DOK6: variants seen among roughly 807,000 people sequenced by gnomAD.
DOK6 encodes downstream of tyrosine kinase 6.
Under a neutral mutation model 44.0 loss-of-function variants are expected in DOK6, and 22 were observed. The ratio of observed to expected loss-of-function variants is 0.50; its 90% CI spans 0.36 to 0.71. DOK6 has a LOEUF of 0.71. DOK6 is among the 30% of genes least tolerant of loss of function. DOK6 has a pLI of 0.00. For missense variants in DOK6, 340 were observed against 416.4 expected (o/e 0.82, Z 1.60); for synonymous variants, 166 against 145.5 (o/e 1.14, Z -1.01).
At chr18:69,645,354 G>C (rs932341627) in intron 3 of DOK6, among the ~76,000 whole-genome samples, 1 of 152,246 alleles carries the variant, frequency 6.6e-6, no homozygotes, top group Middle Eastern at 3.4e-3. Flanking sequence ...TATATAAATA[G>C]AATCATGTGT....
intron 1 of DOK6, among the ~76,000 whole-genome samples, chr18:69,522,648 G>A (rs926958866): frequency 2.6e-5 from 4 of 152,000 alleles, no homozygotes; most frequent in South Asian, 2.1e-4. Context: ...GAGAAATATC[G>A]TTTTAAACCA....
At chr18:69,796,094 A>G (rs1980736985) in intron 7 of DOK6, among the ~76,000 whole-genome samples, 1 of 152,200 alleles carries the variant, frequency 6.6e-6, no homozygotes, top group Admixed American at 6.6e-5. Context: ...GGCTGTGGCC[A>G]GAGTCCCAAT....
chr18:69,702,734 T>C (rs1986549866), intron 5 of DOK6, among the ~76,000 whole-genome samples: 1 of 152,198 alleles, frequency 6.6e-6, no homozygotes, highest in Non-Finnish European at 1.5e-5. Context: ...TCACAAATCA[T>C]GGGAGGAGAT....
At chr18:69,497,442 G>A (rs373437517) in intron 1 of DOK6, among the ~76,000 whole-genome samples, 11 of 152,252 alleles carry the variant, frequency 7.2e-5, no homozygotes, top group African/African-American at 2.6e-4. Flanking sequence ...TCCTTGAAAA[G>A]GGAGAATCGT....
intron 1 of DOK6, among the ~76,000 whole-genome samples, chr18:69,484,511 A>G (rs963873724): frequency 6.6e-6 from 1 of 152,178 alleles, no homozygotes; most frequent in African/African-American, 2.4e-5. Flanking sequence ...GGCAAAATCT[A>G]GAAGGGTTTT....
chr18:69,832,089 G>A (rs1374384146), intron 7 of DOK6, among the ~76,000 whole-genome samples: 1 of 152,120 alleles, frequency 6.6e-6, no homozygotes, highest in African/African-American at 2.4e-5. Flanking sequence ...TGGTAAAAGT[G>A]GGCATTCTTG....
intron 7 of DOK6, among the ~76,000 whole-genome samples, chr18:69,793,659 T>C (rs1980662397): frequency 6.6e-6 from 1 of 152,158 alleles, no homozygotes; most frequent in African/African-American, 2.4e-5. Context: ...AAACATTGAA[T>C]TAAATCATAT....
At chr18:69,612,893 G>T (rs7243834) in intron 3 of DOK6, among the ~76,000 whole-genome samples, 126,526 of 149,786 alleles carry the variant, frequency 0.84, 53,792 homozygotes, top group Non-Finnish European at 0.93. Flanking sequence ...CTTTTTTTTT[G>T]CCTTTTGAGA....
intron 1 of DOK6, among the ~76,000 whole-genome samples, chr18:69,517,855 TC>T (rs1429115981): frequency 6.6e-6 from 1 of 152,120 alleles, no homozygotes; most frequent in Non-Finnish European, 1.5e-5. Context: ...CTGTCCTCTG[TC>T]CCAATTTAAT....
rs187370768 is a variant in DOK6 at position 69,419,168 on chromosome 18, A to G, written c.66+17858A>G. ...TCTAGAGCCATCTTGACTAAATTTT[A>G]GAAGACTTCATTACTTAGAAGATAA... On this transcript the variant is annotated intron_variant, in intron 1 of 7. Transcript: ENST00000382713. Among the ~76,000 whole-genome samples, 155 of 152,292 alleles carry G rather than the reference A, an allele frequency of 1.0e-3. No individual in the cohort carries two copies. The Middle Eastern group carries it at 0.01, about 10-fold the overall frequency.
intron 1 of DOK6, among the ~76,000 whole-genome samples, chr18:69,513,122 C>T (rs1981420926): frequency 6.7e-6 from 1 of 148,408 alleles, no homozygotes; most frequent in Non-Finnish European, 1.5e-5. Context: ...AAAGCTCGTT[C>T]ACTAAATGTA....
chr18:69,597,507 A>G (rs1451959995), intron 2 of DOK6, among the ~76,000 whole-genome samples: 3 of 143,950 alleles, frequency 2.1e-5, no homozygotes, highest in Non-Finnish European at 4.6e-5. Context: ...TAACACATGT[A>G]TTTTCTCCAT....
intron 7 of DOK6, among the ~76,000 whole-genome samples, chr18:69,834,927 G>A (rs1259566116): frequency 6.6e-6 from 1 of 152,162 alleles, no homozygotes; most frequent in Non-Finnish European, 1.5e-5. Flanking sequence ...CAATCATGGC[G>A]AAAGGGGAAG....
chr18:69,828,874 ACAT>A (rs1981816917), intron 7 of DOK6, among the ~76,000 whole-genome samples: 2 of 114,002 alleles, frequency 1.8e-5, no homozygotes, highest in East Asian at 4.9e-4. Flanking sequence ...TAATAGCAAT[ACAT>A]TTATGTGTAT....
intron 7 of DOK6, among the ~76,000 whole-genome samples, chr18:69,821,799 T>TTAAA (rs10641812): frequency 6.4e-4 from 95 of 149,348 alleles, no homozygotes; most frequent in African/African-American, 1.8e-3. Context: ...TTTTTTTTTT[T>TTAAA]AAAAAAAATC....
At chr18:69,478,290 A>G (rs1980323701) in intron 1 of DOK6, among the ~76,000 whole-genome samples, 2 of 152,292 alleles carry the variant, frequency 1.3e-5, no homozygotes, top group Non-Finnish European at 1.5e-5. Flanking sequence ...GTTAAATTAT[A>G]TCAGCCATCA....
intron 2 of DOK6, among the ~76,000 whole-genome samples, chr18:69,575,346 A>G (rs1312302005): frequency 6.6e-6 from 1 of 152,116 alleles, no homozygotes; most frequent in East Asian, 1.9e-4. Context: ...TTAGAAGTAC[A>G]GCAGATTGTA....
intron 7 of DOK6, among the ~76,000 whole-genome samples, chr18:69,838,451 C>T (rs1339647955): frequency 4.6e-5 from 7 of 152,136 alleles, no homozygotes; most frequent in Non-Finnish European, 1.0e-4. Context: ...GTCATTTCAT[C>T]ATGCCAAAAT....
At chr18:69,507,175 G>C (rs1419186698) in intron 1 of DOK6, among the ~76,000 whole-genome samples, 4 of 151,842 alleles carry the variant, frequency 2.6e-5, no homozygotes, top group East Asian at 1.9e-4. Context: ...CTACAGGCGC[G>C]TGCCACCGTG....
Sources: allele counts gnomAD v4.1 joint callset (sites outside exome capture counted in the v4.1 genomes callset), GRCh38; gene constraint gnomAD v4.1.1; transcripts MANE v1.5; gene names NCBI Gene and HGNC (gene_info 2026-07-23, HGNC 2026-07-21).